Variants in SYT9 observed in about 807,000 individuals in gnomAD.
SYT9 encodes synaptotagmin 9.
SYT9 carries 22 observed loss-of-function variants against 48.4 expected under a neutral mutation model. The observed-to-expected ratio is 0.45, with a 90% CI of 0.32 to 0.65. The LOEUF (loss-of-function observed/expected upper bound fraction) is 0.65, where lower values mean the gene tolerates loss of function less well. Among genes scored for constraint, SYT9 ranks in the 30% least tolerant of loss-of-function variants. SYT9 has a pLI of 0.03. For synonymous variants in SYT9, 265 were observed against 245.0 expected (o/e 1.08, Z -0.76); for missense variants, 577 against 622.0 (o/e 0.93, Z 0.77).
At chr11:7,388,247 A>G (rs1850698023) in intron 3 of SYT9, among the ~76,000 whole-genome samples, 1 of 152,160 alleles carries the variant, frequency 6.6e-6, no homozygotes, top group Non-Finnish European at 1.5e-5. Context: ...TTAAAGAACT[A>G]GTCCATTTAA....
At chr11:7,295,319 C>T (rs1848778891) in intron 1 of SYT9, among the ~76,000 whole-genome samples, 1 of 152,188 alleles carries the variant, frequency 6.6e-6, no homozygotes, top group African/African-American at 2.4e-5. Flanking sequence ...TTCATTGCTC[C>T]CAAGTTCTAC....
At chr11:7,329,277 G>A (rs1050544848) in intron 3 of SYT9, among the ~76,000 whole-genome samples, 8 of 152,052 alleles carry the variant, frequency 5.3e-5, no homozygotes, top group East Asian at 1.9e-4. Context: ...TTTTGAGTAC[G>A]CTAATTCTTT....
At chr11:7,256,669 A>T (rs61880878) in intron 1 of SYT9, among the ~76,000 whole-genome samples, 14,454 of 152,184 alleles carry the variant, frequency 0.095, 908 homozygotes, top group South Asian at 0.21. Flanking sequence ...TTAATCCCTA[A>T]GTGTAGGTCA....
intron 1 of SYT9, among the ~76,000 whole-genome samples, chr11:7,254,134 T>C (rs979625155): frequency 4.6e-5 from 7 of 152,122 alleles, no homozygotes; most frequent in Admixed American, 6.5e-5. Context: ...TAAGTAGGCT[T>C]CTTACAAGAG....
chr11:7,260,152 T>C (rs924741070), intron 1 of SYT9, among the ~76,000 whole-genome samples: 2 of 152,168 alleles, frequency 1.3e-5, no homozygotes, highest in African/African-American at 4.8e-5. Context: ...TGGGCATCTG[T>C]CATTCAAAGA....
At chr11:7,413,142 C>A (rs574059560) in intron 3 of SYT9, among the ~76,000 whole-genome samples, 29 of 152,308 alleles carry the variant, frequency 1.9e-4, no homozygotes, top group African/African-American at 6.7e-4. Context: ...GGCACAGACA[C>A]TCTCATTGGG....
rs1363088609 is a variant in SYT9 at position 7,468,685 on chromosome 11, T to C, written c.*1885T>C. 5.7e-6 allele frequency: 1 copy of C among 174,304 alleles called. No individual in the cohort carries two copies. The highest frequency in any genetic ancestry group is 2.4e-5 in the African/African-American group (1 of 42,428). The allele number at this position is 174,304 out of a possible 1,614,324, so 10.8% of individuals were successfully genotyped here. On this transcript the variant is annotated 3_prime_UTR_variant, in exon 7 of 7. Coordinates refer to ENST00000318881, the MANE Select transcript of SYT9 (RefSeq NM_175733.4). The stretch of plus-strand genomic sequence containing the variant: ...ATCAGGCAGCAATCCCAATAAATTC[T>C]GACATGTCCTTGGCAATGGAAGCCT...
chr11:7,413,341 C>A (rs755139001), intron 3 of SYT9, among the ~76,000 whole-genome samples: 1 of 152,192 alleles, frequency 6.6e-6, no homozygotes, highest in Non-Finnish European at 1.5e-5. Context: ...TTTAGGGGCT[C>A]GGCTTTCAGA....
chr11:7,448,521 C>T (rs148251653), intron 6 of SYT9, among the ~76,000 whole-genome samples: 3 of 152,280 alleles, frequency 2.0e-5, no homozygotes, highest in Admixed American at 6.5e-5. Context: ...GTGAGTGTGC[C>T]GCTTTAGCAA....
chr11:7,466,538 T>C (rs1848338140), intron 6 of SYT9, among the ~76,000 whole-genome samples: 1 of 151,932 alleles, frequency 6.6e-6, no homozygotes, highest in Admixed American at 6.6e-5. Flanking sequence ...CTGGCCAACA[T>C]GGTGACACCC....
At chr11:7,266,035 C>T (rs762271826) in intron 1 of SYT9, among the ~76,000 whole-genome samples, 4 of 152,062 alleles carry the variant, frequency 2.6e-5, no homozygotes, top group African/African-American at 4.8e-5. Flanking sequence ...GAGGAGGCCA[C>T]ATTAGAATCA....
At chr11:7,360,209 A>G (rs1017090564) in intron 3 of SYT9, among the ~76,000 whole-genome samples, 14 of 151,986 alleles carry the variant, frequency 9.2e-5, no homozygotes, top group African/African-American at 3.4e-4. Flanking sequence ...CCATTGATCT[A>G]TGTCTCTGTT....
intron 1 of SYT9, among the ~76,000 whole-genome samples, chr11:7,255,032 A>AAC (rs1409147238): frequency 1.3e-5 from 2 of 152,198 alleles, no homozygotes; most frequent in African/African-American, 4.8e-5. Context: ...CCTAAGTCAC[A>AAC]GTTGGAACTG....
At chr11:7,464,218 G>C (rs1848288817) in intron 6 of SYT9, among the ~76,000 whole-genome samples, 1 of 152,214 alleles carries the variant, frequency 6.6e-6, no homozygotes, top group South Asian at 2.1e-4. Flanking sequence ...GGGGAATCCA[G>C]AGAAATGGGA....
chr11:7,464,813 T>G (rs1403135483), intron 6 of SYT9, among the ~76,000 whole-genome samples: 1 of 151,976 alleles, frequency 6.6e-6, no homozygotes, highest in African/African-American at 2.4e-5. Flanking sequence ...CCAGGCGCGG[T>G]GGCTCACGCC....
chr11:7,300,110 C>A (rs959005827), intron 1 of SYT9, among the ~76,000 whole-genome samples: 1 of 151,682 alleles, frequency 6.6e-6, no homozygotes, highest in African/African-American at 2.4e-5. Flanking sequence ...TATGATCACA[C>A]AAATTACCTT....
At chr11:7,360,194 C>T (rs1850105277) in intron 3 of SYT9, among the ~76,000 whole-genome samples, 1 of 152,178 alleles carries the variant, frequency 6.6e-6, no homozygotes, top group African/African-American at 2.4e-5. Flanking sequence ...GGGCTCTGTT[C>T]TGCTCCATTG....
rs34058874 is a variant in SYT9, at chr11:7,418,033, C to T, written c.1242C>T (p.Thr414=). The part of the protein sequence containing the change: ...KKRKTSTKRN[T]LNPVYNEAIV... ...GGAAAACATCCACCAAGAGGAACAC[C>T]TTGAATCCTGTTTACAACGAAGCCA... Residue 414 remains threonine (T), a synonymous_variant, in exon 5 of 7, where the codon ACC becomes ACT. Transcript: ENST00000318881. The T allele has an allele frequency of 0.14, 224,695 of 1,613,888 alleles. 16,390 individuals are homozygous for T. Among genetic ancestry groups the T allele is most frequent in the East Asian group, 0.27 (12,237 of 44,854 alleles).
At chr11:7,242,391 G>T (rs1221044216) in intron 1 of SYT9, among the ~76,000 whole-genome samples, 1 of 152,198 alleles carries the variant, frequency 6.6e-6, no homozygotes, top group Non-Finnish European at 1.5e-5. Context: ...CTGATCAGCT[G>T]TGTGAATTTG....
Sources: gnomAD v4.1 joint callset for allele counts (sites outside exome capture counted in the v4.1 genomes callset) on GRCh38, gnomAD v4.1.1 for gene constraint, MANE v1.5 for transcripts, NCBI Gene and HGNC (gene_info 2026-07-23, HGNC 2026-07-21) for gene names.